The following DOK6 variants were observed in gnomAD, a reference collection of about 807,000 sequenced individuals.
DOK6 encodes docking protein 6.
DOK6 carries 22 observed loss-of-function variants against 44.0 expected under a neutral mutation model. The observed-to-expected ratio is 0.50, with a 90% CI of 0.36 to 0.71. DOK6 has a LOEUF of 0.71. Among genes scored for constraint, DOK6 ranks in the 30% least tolerant of loss-of-function variants. The pLI, the probability that DOK6 is intolerant of heterozygous loss-of-function variation, is 0.00. For missense variants in DOK6, 340 were observed against 416.4 expected (o/e 0.82, Z 1.60); for synonymous variants, 166 against 145.5 (o/e 1.14, Z -1.01).
At chr18:69,671,327 G>A (rs573734758) in intron 3 of DOK6, among the ~76,000 whole-genome samples, 1 of 152,174 alleles carries the variant, frequency 6.6e-6, no homozygotes, top group Non-Finnish European at 1.5e-5. Flanking sequence ...GAAAGTTGAT[G>A]TATCAACCTG....
intron 7 of DOK6, among the ~76,000 whole-genome samples, chr18:69,805,434 T>C (rs144539291): frequency 2.0e-3 from 300 of 152,266 alleles, no homozygotes; most frequent in African/African-American, 6.8e-3. Context: ...TTAACTAGTC[T>C]ATGCAAAATA....
intron 3 of DOK6, among the ~76,000 whole-genome samples, chr18:69,612,410 G>A (rs1166653994): frequency 6.8e-6 from 1 of 146,486 alleles, no homozygotes; most frequent in African/African-American, 2.5e-5. Flanking sequence ...TGTGTGCGAG[G>A]GCGCATGTGT....
At chr18:69,478,800 C>A (rs570097598) in intron 1 of DOK6, among the ~76,000 whole-genome samples, 2 of 152,014 alleles carry the variant, frequency 1.3e-5, no homozygotes, top group Non-Finnish European at 2.9e-5. Flanking sequence ...TTAACTAAAC[C>A]CCACACTTTA....
At chr18:69,404,587 C>T (rs1327124058) in intron 1 of DOK6, among the ~76,000 whole-genome samples, 2 of 152,036 alleles carry the variant, frequency 1.3e-5, no homozygotes, top group South Asian at 4.1e-4. Context: ...ACTGCTATAC[C>T]TTGACTTATT....
chr18:69,736,999 T>A (rs925772638), intron 5 of DOK6, among the ~76,000 whole-genome samples: 1 of 152,208 alleles, frequency 6.6e-6, no homozygotes, highest in Non-Finnish European at 1.5e-5. Flanking sequence ...GAGGAGCAAG[T>A]CAAATGCCAT....
At chr18:69,704,312 A>G (rs768909796) in intron 5 of DOK6, among the ~76,000 whole-genome samples, 13 of 152,080 alleles carry the variant, frequency 8.5e-5, no homozygotes, top group African/African-American at 1.2e-4. Context: ...CCACAGTCAT[A>G]TCTTCTGATG....
intron 1 of DOK6, among the ~76,000 whole-genome samples, chr18:69,406,429 A>G (rs1185414691): frequency 6.6e-6 from 1 of 152,224 alleles, no homozygotes; most frequent in African/African-American, 2.4e-5. Flanking sequence ...AACCAAATAC[A>G]GACATTGTGG....
At chr18:69,734,084 C>CT (rs34699851) in intron 5 of DOK6, among the ~76,000 whole-genome samples, 23,481 of 151,374 alleles carry the variant, frequency 0.16, 1,831 homozygotes, top group Middle Eastern at 0.23. Context: ...TCTTGTAGTG[C>CT]TTTTTTTTCC....
In DOK6 at chr18:69,405,453, G is replaced by A. The variant is rs552966136; in HGVS notation, c.66+4143G>A. The stretch of plus-strand genomic sequence containing the variant: ...AAGTCAGCGGGGTCTGGTGATGTGT[G>A]CCTATAGTCCCAGCTACTCAGGAGG... On this transcript the variant is annotated intron_variant, in intron 1 of 7. Transcript: ENST00000382713. 5.1e-4 allele frequency among the ~76,000 whole-genome samples: 77 copies of A among 152,202 alleles called. 2 individuals are homozygous for A. In the South Asian group the frequency reaches 0.015, roughly 30 times the overall value.
chr18:69,665,176 G>A (rs1053374532), intron 3 of DOK6, among the ~76,000 whole-genome samples: 1 of 150,462 alleles, frequency 6.6e-6, no homozygotes, highest in African/African-American at 2.5e-5. Flanking sequence ...GCAAGACTCC[G>A]TCTCAAAAAA....
intron 1 of DOK6, among the ~76,000 whole-genome samples, chr18:69,440,478 T>G (rs1056296380): frequency 6.6e-6 from 1 of 152,150 alleles, no homozygotes; most frequent in Admixed American, 6.5e-5. Context: ...ACAAGTTATG[T>G]CTGTAGTTGT....
chr18:69,578,599 A>G (rs1983292444), intron 2 of DOK6, among the ~76,000 whole-genome samples: 1 of 152,206 alleles, frequency 6.6e-6, no homozygotes, highest in Non-Finnish European at 1.5e-5. Context: ...ATTTAGATCC[A>G]ATGCTTTTCA....
chr18:69,766,528 G>A (rs1246525760), intron 7 of DOK6, among the ~76,000 whole-genome samples: 1 of 152,074 alleles, frequency 6.6e-6, no homozygotes, highest in Non-Finnish European at 1.5e-5. Flanking sequence ...GCATATTTGG[G>A]TTTACACGTA....
At chr18:69,569,608 G>C (rs12957120) in intron 2 of DOK6, among the ~76,000 whole-genome samples, 27,333 of 152,134 alleles carry the variant, frequency 0.18, 3,003 homozygotes, top group Middle Eastern at 0.34. Context: ...ATTAGAATGG[G>C]ATTTAAAACC....
chr18:69,512,332 C>CTTCTTCTTTTTTTTTTTTTTTTTTTTTT (rs59109570), intron 1 of DOK6, among the ~76,000 whole-genome samples: 1 of 91,688 alleles, frequency 1.1e-5, no homozygotes, highest in African/African-American at 4.7e-5. Context: ...CTTTCTTCTT[C>CTTCTTCTTTTTTTTTTTTTTTTTTTTTT]TTTTTTTTTT....
rs567184984 is a variant in DOK6, at chr18:69,417,345, A to G, written c.66+16035A>G. On this transcript the variant is annotated intron_variant, in intron 1 of 7. Transcript: ENST00000382713. Reference sequence around the variant, plus strand: ...TGTCTTCCTGAGCCTGGCTTATTTCATTTAACATAATGACCTCCATTTTCA... The same window carrying G: ...TGTCTTCCTGAGCCTGGCTTATTTCGTTTAACATAATGACCTCCATTTTCA... Among the ~76,000 whole-genome samples, 13 of 152,196 alleles carry G rather than the reference A, an allele frequency of 8.5e-5. No homozygotes were observed. In the South Asian group the frequency reaches 2.7e-3, roughly 32 times the overall value.
intron 7 of DOK6, among the ~76,000 whole-genome samples, chr18:69,763,653 C>T (rs1381779571): frequency 6.6e-6 from 1 of 151,946 alleles, no homozygotes; most frequent in African/African-American, 2.4e-5. Context: ...AAAAAGAAAA[C>T]AAAAAACAAG....
At chr18:69,812,921 C>G (rs1441035069) in intron 7 of DOK6, among the ~76,000 whole-genome samples, 1 of 152,070 alleles carries the variant, frequency 6.6e-6, no homozygotes, top group Non-Finnish European at 1.5e-5. Context: ...CATCTGGTCT[C>G]TCCTAGGTGG....
chr18:69,599,929 A>C (rs1473922488), intron 3 of DOK6, among the ~76,000 whole-genome samples: 1 of 152,210 alleles, frequency 6.6e-6, no homozygotes, highest in East Asian at 1.9e-4. Context: ...TATTGTTTTC[A>C]TGGATTCTCA....
Sources: allele counts gnomAD v4.1 joint callset (sites outside exome capture counted in the v4.1 genomes callset), GRCh38; gene constraint gnomAD v4.1.1; transcripts MANE v1.5; gene names NCBI Gene and HGNC (gene_info 2026-07-23, HGNC 2026-07-21).